Variants in SDK1 observed in about 807,000 individuals in gnomAD.
SDK1 encodes sidekick cell adhesion molecule 1, also known as protein sidekick-1.
A neutral mutation model predicts 245.5 loss-of-function variants in SDK1; 157 were observed. The observed-to-expected ratio is 0.64, with a 90% CI of 0.56 to 0.73. The LOEUF (loss-of-function observed/expected upper bound fraction) is 0.73. SDK1 is among the 30% of genes least tolerant of loss of function. SDK1 has a pLI of 0.00. For synonymous variants in SDK1, 1,647 were observed against 1,278.5 expected (o/e 1.29, Z -6.15); for missense variants, 3,583 against 3,002.3 (o/e 1.19, Z -4.52).
intron 1 of SDK1, among the ~76,000 whole-genome samples, chr7:3,351,315 T>G (rs1039689441): frequency 6.6e-6 from 1 of 152,198 alleles, no homozygotes; most frequent in African/African-American, 2.4e-5. Flanking sequence ...TCATTTTACC[T>G]AACAATTTAT....
intron 1 of SDK1, among the ~76,000 whole-genome samples, chr7:3,344,426 G>A (rs1041891985): frequency 1.4e-4 from 21 of 152,040 alleles, no homozygotes; most frequent in African/African-American, 4.3e-4. Context: ...AGAAAATTCC[G>A]ACTTACTTAA....
chr7:3,967,388 G>C lies in SDK1; in HGVS notation c.1500G>C (p.Arg500Ser), dbSNP rs777812468. ...TVTDGMTAIL[R>S]CEVSGAPKPA... ...CTGACGGGATGACAGCCATTCTAAGGTGTGAGGTGTCCGGGGCTCCCAAAC... is the reference window on the plus strand; with the variant it reads ...CTGACGGGATGACAGCCATTCTAAGCTGTGAGGTGTCCGGGGCTCCCAAAC... Residue 500 changes from arginine (R) to serine (S), a missense_variant, in exon 10 of 45, where the codon AGG becomes AGC. Arg to Ser is a moderately radical substitution (Grantham distance 110). Coordinates refer to ENST00000404826, the MANE Select transcript of SDK1 (RefSeq NM_152744.4). 1 of 1,614,154 alleles carries C rather than the reference G, an allele frequency of 6.2e-7. No individual in the cohort carries two copies. The highest frequency in any genetic ancestry group is 1.1e-5 in the South Asian group (1 of 91,084).
chr7:3,696,924 CATAAGTA>C (rs1784591104), intron 4 of SDK1, among the ~76,000 whole-genome samples: 1 of 151,384 alleles, frequency 6.6e-6, no homozygotes, highest in Non-Finnish European at 1.5e-5. Flanking sequence ...AAAAAAAACT[CATAAGTA>C]ATACGGTTTA....
intron 5 of SDK1, among the ~76,000 whole-genome samples, chr7:3,885,168 G>A (rs1378531854): frequency 1.3e-5 from 2 of 152,204 alleles, no homozygotes; most frequent in African/African-American, 4.8e-5. Flanking sequence ...CGCGAGGGCT[G>A]TGGGTCCGAG....
At chr7:3,434,692 G>C (rs1779969152) in intron 1 of SDK1, among the ~76,000 whole-genome samples, 1 of 152,140 alleles carries the variant, frequency 6.6e-6, no homozygotes, top group Non-Finnish European at 1.5e-5. Context: ...GTTTTAACCA[G>C]TTCTCTCGAT....
intron 37 of SDK1, among the ~76,000 whole-genome samples, chr7:4,209,035 C>T (rs17134611): frequency 0.023 from 3,567 of 152,236 alleles, 133 homozygotes; most frequent in African/African-American, 0.08. Flanking sequence ...CAGGGCCTTC[C>T]GACATTCCAT....
intron 4 of SDK1, among the ~76,000 whole-genome samples, chr7:3,788,651 G>A (rs1208634880): frequency 1.3e-5 from 2 of 152,098 alleles, no homozygotes; most frequent in African/African-American, 2.4e-5. Context: ...TAACACTACC[G>A]ATGGCTGATG....
At chr7:3,648,353 C>T (rs188985447) in intron 4 of SDK1, among the ~76,000 whole-genome samples, 19 of 152,304 alleles carry the variant, frequency 1.2e-4, no homozygotes, top group Admixed American at 3.3e-4. Context: ...ATCCTGTAGC[C>T]TACCTGACAG....
At chr7:4,170,407 C>T (rs1422118871) in intron 32 of SDK1, among the ~76,000 whole-genome samples, 1 of 151,998 alleles carries the variant, frequency 6.6e-6, no homozygotes, top group Non-Finnish European at 1.5e-5. Context: ...TGATCGCACC[C>T]CTGCACTCCA....
At chr7:4,126,161 C>T (rs531333289) in intron 25 of SDK1, among the ~76,000 whole-genome samples, 304 of 152,300 alleles carry the variant, frequency 2.0e-3, no homozygotes, top group African/African-American at 7.1e-3. Context: ...GAGAGCAGCT[C>T]CTCCATGCTG....
intron 1 of SDK1, among the ~76,000 whole-genome samples, chr7:3,547,020 T>A (rs1166506945): frequency 6.6e-6 from 1 of 152,226 alleles, no homozygotes; most frequent in Non-Finnish European, 1.5e-5. Flanking sequence ...GAATTTTTAA[T>A]CTTAAGATTA....
intron 1 of SDK1, among the ~76,000 whole-genome samples, chr7:3,332,968 C>G (rs1268133159): frequency 6.6e-6 from 1 of 152,204 alleles, no homozygotes; most frequent in Non-Finnish European, 1.5e-5. Context: ...GGGAACGAGC[C>G]TCTTTGTCCA....
rs147435078 is a variant in SDK1 at position 4,153,133 on chromosome 7, G to A, written c.4625+3670G>A. ...AGCTCTGTCGTGGGATAGGTGCGGG[G>A]GTTCCAAACAGAAGACAGAAAGGCG... is the stretch of plus-strand genomic sequence containing the variant. On this transcript the variant is annotated intron_variant, in intron 30 of 44. Transcript: ENST00000404826. Among the ~76,000 whole-genome samples the A allele has an allele frequency of 6.2e-3, 944 of 152,242 alleles. 3 individuals carry two copies. The highest frequency in any genetic ancestry group is 0.01 in the Middle Eastern group (3 of 294).
At chr7:4,216,993 CGG>C (rs1784836091) in intron 38 of SDK1, among the ~76,000 whole-genome samples, 1 of 144,992 alleles carries the variant, frequency 6.9e-6, no homozygotes, top group Non-Finnish European at 1.5e-5. Context: ...CCACACCACC[CGG>C]AGCACCAGGC....
At chr7:3,491,931 C>A (rs1460973185) in intron 1 of SDK1, among the ~76,000 whole-genome samples, 1 of 152,142 alleles carries the variant, frequency 6.6e-6, no homozygotes, top group Non-Finnish European at 1.5e-5. Context: ...CACTGTTTAG[C>A]TGATACAGTG....
At chr7:3,350,131 T>G (rs1026938633) in intron 1 of SDK1, among the ~76,000 whole-genome samples, 1 of 152,104 alleles carries the variant, frequency 6.6e-6, no homozygotes, top group African/African-American at 2.4e-5. Context: ...TAGGGAGAGG[T>G]AAGCCATTTT....
chr7:3,401,154 G>C (rs1344686794), intron 1 of SDK1, among the ~76,000 whole-genome samples: 2 of 152,248 alleles, frequency 1.3e-5, no homozygotes, highest in East Asian at 3.9e-4. Flanking sequence ...TACAGATCAC[G>C]CTTCACTTAC....
intron 1 of SDK1, among the ~76,000 whole-genome samples, chr7:3,401,967 G>A (rs945476796): frequency 2.0e-5 from 3 of 152,030 alleles, no homozygotes; most frequent in South Asian, 4.1e-4. Flanking sequence ...TGCATCTGTC[G>A]ATTAGGAGGT....
chr7:3,851,431 T>C (rs1429463649), intron 5 of SDK1, among the ~76,000 whole-genome samples: 1 of 152,250 alleles, frequency 6.6e-6, no homozygotes, highest in Admixed American at 6.5e-5. Flanking sequence ...ACTTATATTT[T>C]CATAAAGATA....
Sources: gnomAD v4.1 joint callset for allele counts (sites outside exome capture counted in the v4.1 genomes callset) on GRCh38, gnomAD v4.1.1 for gene constraint, MANE v1.5 for transcripts, NCBI Gene and HGNC (gene_info 2026-07-23, HGNC 2026-07-21) for gene names.